TRAPPC9: variants seen among roughly 807,000 people sequenced by gnomAD.
TRAPPC9 encodes the protein trafficking protein particle complex subunit 9, also known as IKK2 binding protein.
In TRAPPC9, 83 loss-of-function variants were observed where a neutral mutation model predicts 124.0. The ratio of observed to expected loss-of-function variants is 0.67; its 90% CI spans 0.56 to 0.80. TRAPPC9 has a LOEUF of 0.80. Ranked by LOEUF, TRAPPC9 falls within the 30% of genes least tolerant of loss-of-function variation. The pLI, the probability that TRAPPC9 is intolerant of heterozygous loss-of-function variation, is 0.00. For missense variants in TRAPPC9, 1,302 were observed against 1,508.3 expected, an observed-to-expected ratio of 0.86 and a Z score of 2.27; for synonymous variants, 638 against 617.5, an observed-to-expected ratio of 1.03 and a Z score of -0.49.
chr8:140,380,618 G>A (rs1300013431), intron 7 of TRAPPC9, among the ~76,000 whole-genome samples: 2 of 125,814 alleles, frequency 1.6e-5, no homozygotes, highest in Non-Finnish European at 3.2e-5. Context: ...TCGTGCCACT[G>A]TACTCCAGCC....
chr8:139,946,253 A>T (rs1380427935), intron 19 of TRAPPC9, among the ~76,000 whole-genome samples: 1 of 152,222 alleles, frequency 6.6e-6, no homozygotes, highest in Non-Finnish European at 1.5e-5. Context: ...CCTGATCTTT[A>T]TTCTAATTTC....
At chr8:140,023,783 A>G (rs1839956546) in intron 18 of TRAPPC9, among the ~76,000 whole-genome samples, 154 bp downstream of exon 18, 1 of 152,200 alleles carries the variant, frequency 6.6e-6, no homozygotes, top group African/African-American at 2.4e-5. Context: ...CTGGTTTCCT[A>G]AAGAAAAACC....
intron 19 of TRAPPC9, among the ~76,000 whole-genome samples, chr8:139,956,828 C>A (rs2131538827): frequency 6.6e-6 from 1 of 152,328 alleles, no homozygotes; most frequent in African/African-American, 2.4e-5. Flanking sequence ...AGGACAAGCA[C>A]CTCCTTCAGG....
chr8:139,945,653 C>T (rs375977124), intron 19 of TRAPPC9, among the ~76,000 whole-genome samples: 20 of 149,336 alleles, frequency 1.3e-4, no homozygotes, highest in African/African-American at 4.2e-4. Context: ...GACAGCACTA[C>T]AGCAAACAAC....
In TRAPPC9 at chr8:139,732,172, C is replaced by T. The variant is rs200188968; in HGVS notation, c.3086G>A (p.Arg1029His). The change falls in exon 22 of 23, where the codon CGC (arginine) becomes CAC (histidine). Residue 1029 changes from arginine to histidine, a missense_variant. Physicochemically the swap from Arg to His is conservative, Grantham distance 29. This residue lies in a region of TRAPPC9 where 640 missense variants were observed against 679.3 expected (regional missense o/e 0.94). Transcript: ENST00000438773. ...CACCTGGCAGGCCGCCACAGCCTCG[C>T]GGTCACATGGCTGTCCGTCCACCAG... ...DVLVDGQPCD[R>H]EAVAACQVGD... 1.0e-5 allele frequency: 16 copies of T among 1,598,410 alleles called. No individual in the cohort carries two copies. The highest frequency in any genetic ancestry group is 1.7e-5 in the Admixed American group (1 of 59,288).
chr8:139,982,011 T>C (rs1836934575), intron 19 of TRAPPC9, among the ~76,000 whole-genome samples: 2 of 152,236 alleles, frequency 1.3e-5, no homozygotes, highest in African/African-American at 4.8e-5. Flanking sequence ...TGTAATGAGA[T>C]AACATCTATT....
intron 17 of TRAPPC9, among the ~76,000 whole-genome samples, chr8:140,211,623 G>A (rs983761183): frequency 1.3e-5 from 2 of 152,212 alleles, no homozygotes; most frequent in Non-Finnish European, 2.9e-5. Context: ...TATTTTAAAA[G>A]CTAAAGTAAC....
chr8:140,033,909 C>T (rs1840713983), intron 17 of TRAPPC9, among the ~76,000 whole-genome samples: 1 of 151,830 alleles, frequency 6.6e-6, no homozygotes, highest in African/African-American at 2.4e-5. Context: ...CTTGAACTCC[C>T]GACCTCAAGT....
rs139383920 is a variant in TRAPPC9, at chr8:140,217,109, G to A, written c.2556+4350C>T. Among the ~76,000 whole-genome samples the A allele has an allele frequency of 2.3e-3, 355 of 152,324 alleles. 1 individual carries two copies. The highest frequency in any genetic ancestry group is 4.6e-3 in the Admixed American group (71 of 15,312). On this transcript the variant is annotated intron_variant, in intron 17 of 22. Coordinates refer to ENST00000438773, the MANE Select transcript of TRAPPC9 (RefSeq NM_001160372.4). ...GCACCGTAACTGACTCACAACTGGA[G>A]CACAATATACGTTGTGCTTTAATTC...
intron 9 of TRAPPC9, among the ~76,000 whole-genome samples, chr8:140,350,404 A>G (rs1300243580): frequency 6.6e-6 from 1 of 152,224 alleles, no homozygotes; most frequent in African/African-American, 2.4e-5. Context: ...GGGAAGTGAC[A>G]TTTAGACTTC....
intron 9 of TRAPPC9, among the ~76,000 whole-genome samples, chr8:140,345,801 C>A (rs1381857942): frequency 6.6e-6 from 1 of 152,210 alleles, no homozygotes; most frequent in Non-Finnish European, 1.5e-5. Flanking sequence ...CAGGTTCCTG[C>A]AGTCACCACG....
intron 19 of TRAPPC9, among the ~76,000 whole-genome samples, chr8:139,970,096 G>A (rs914239576): frequency 6.6e-6 from 1 of 152,154 alleles, no homozygotes; most frequent in Non-Finnish European, 1.5e-5. Flanking sequence ...TGTTTTCTAC[G>A]AGACCTCCTC....
chr8:140,020,561 G>A (rs1232338318), intron 18 of TRAPPC9, among the ~76,000 whole-genome samples: 1 of 152,058 alleles, frequency 6.6e-6, no homozygotes, highest in Non-Finnish European at 1.5e-5. Context: ...AGGAGTTTGA[G>A]GTTACAGTGA....
chr8:139,973,686 C>T (rs1836248605), intron 19 of TRAPPC9, among the ~76,000 whole-genome samples: 1 of 152,216 alleles, frequency 6.6e-6, no homozygotes, highest in South Asian at 2.1e-4. Flanking sequence ...CGGGTGAAAC[C>T]ACACTGAGCA....
chr8:140,284,145 G>A (rs981092450), intron 13 of TRAPPC9, 124 bp from the exon 14 acceptor site: 58 of 1,269,606 alleles, frequency 4.6e-5, no homozygotes, highest in Middle Eastern at 2.6e-4. Flanking sequence ...GCTGCCCGGG[G>A]CCCGCCGGCG....
At chr8:139,756,606 T>G (rs1411777616) in intron 21 of TRAPPC9, among the ~76,000 whole-genome samples, 22 of 72,072 alleles carry the variant, frequency 3.1e-4, no homozygotes, top group South Asian at 9.8e-4. Flanking sequence ...AAGGACAGCG[T>G]GTCGCAGGAG....
chr8:140,303,621 C>T (rs575287524), intron 10 of TRAPPC9, among the ~76,000 whole-genome samples: 1 of 152,302 alleles, frequency 6.6e-6, no homozygotes, highest in East Asian at 1.9e-4. Flanking sequence ...TCGCAATTAG[C>T]CTTGGGCCAA....
intron 19 of TRAPPC9, among the ~76,000 whole-genome samples, chr8:139,973,445 CA>C (rs11297716): frequency 0.14 from 21,071 of 152,196 alleles, 1,997 homozygotes; most frequent in East Asian, 0.41. Context: ...AGCCTGCTCT[CA>C]CACTGACCGT....
chr8:139,986,770 G>C (rs1347726454), intron 19 of TRAPPC9, among the ~76,000 whole-genome samples: 1 of 152,154 alleles, frequency 6.6e-6, no homozygotes, highest in Non-Finnish European at 1.5e-5. Context: ...GCCGAGTTTT[G>C]ACGAATAGAT....
Sources: allele counts gnomAD v4.1 joint callset (sites outside exome capture counted in the v4.1 genomes callset), GRCh38; gene constraint gnomAD v4.1.1; regional missense constraint gnomAD v4.1.1; transcripts MANE v1.5; gene names NCBI Gene and HGNC (gene_info 2026-07-23, HGNC 2026-07-21).